MFHAS1: variants seen among roughly 807,000 people sequenced by gnomAD.
The protein encoded by MFHAS1 is multifunctional ROCO family signaling regulator 1, also known as malignant fibrous histiocytoma-amplified sequence 1.
Under a neutral mutation model 70.4 loss-of-function variants are expected in MFHAS1, and 50 were observed. The ratio of observed to expected loss-of-function variants is 0.71; its 90% CI spans 0.57 to 0.90. The LOEUF is 0.90. Among genes scored for constraint, MFHAS1 ranks in the 40% least tolerant of loss-of-function variants. The pLI, the probability that MFHAS1 is intolerant of heterozygous loss-of-function variation, is 0.00. For missense variants in MFHAS1, 1,795 were observed against 1,347.6 expected, an observed-to-expected ratio of 1.33 and a Z score of -5.20; for synonymous variants, 952 against 620.0, an observed-to-expected ratio of 1.54 and a Z score of -7.96.
At chr8:8,868,408 G>A (rs758777329) in intron 1 of MFHAS1, among the ~76,000 whole-genome samples, 20 of 149,794 alleles carry the variant, frequency 1.3e-4, no homozygotes, top group East Asian at 3.9e-4. Context: ...ATTAATCACC[G>A]AGAAGGATAG....
intron 1 of MFHAS1, among the ~76,000 whole-genome samples, chr8:8,889,857 G>A (rs1049747590): frequency 4.6e-5 from 7 of 152,212 alleles, no homozygotes; most frequent in Admixed American, 1.3e-4. Flanking sequence ...TCTGTTAGGA[G>A]AGGATGACAC....
intron 1 of MFHAS1, among the ~76,000 whole-genome samples, chr8:8,856,455 T>C (rs1483262528): frequency 6.6e-6 from 1 of 152,164 alleles, no homozygotes; most frequent in Middle Eastern, 3.2e-3. Flanking sequence ...TGTACATATT[T>C]CCTGTTGGAA....
chr8:8,798,880 C>G (rs1032282720), intron 1 of MFHAS1, among the ~76,000 whole-genome samples: 2 of 152,030 alleles, frequency 1.3e-5, no homozygotes, highest in African/African-American at 4.8e-5. Flanking sequence ...AACTCCACAT[C>G]TACTAAAAAT....
chr8:8,820,647 C>A (rs114566325), intron 1 of MFHAS1, among the ~76,000 whole-genome samples: 1 of 152,156 alleles, frequency 6.6e-6, no homozygotes, highest in Non-Finnish European at 1.5e-5. Context: ...TGAGGCTACA[C>A]GTCCATGTTC....
intron 1 of MFHAS1, among the ~76,000 whole-genome samples, chr8:8,869,140 T>G (rs1808973173): frequency 6.6e-6 from 1 of 152,176 alleles, no homozygotes; most frequent in African/African-American, 2.4e-5. Flanking sequence ...TGTGCCATCA[T>G]GCAGCTGTTA....
chr8:8,832,793 T>C (rs1807454356), intron 1 of MFHAS1, among the ~76,000 whole-genome samples: 1 of 152,182 alleles, frequency 6.6e-6, no homozygotes, highest in Non-Finnish European at 1.5e-5. Context: ...TACTACATGC[T>C]AAGTTTTCAC....
At chr8:8,863,469 G>C (rs1249159965) in intron 1 of MFHAS1, among the ~76,000 whole-genome samples, 2 of 152,098 alleles carry the variant, frequency 1.3e-5, no homozygotes, top group Admixed American at 1.3e-4. Context: ...AAGAATTCCT[G>C]CCCAGTTGAC....
intron 1 of MFHAS1, among the ~76,000 whole-genome samples, chr8:8,833,050 G>C (rs940837121): frequency 2.6e-5 from 4 of 152,248 alleles, no homozygotes; most frequent in Non-Finnish European, 4.4e-5. Flanking sequence ...CAACGGGGGA[G>C]CAGGTGTCTT....
chr8:8,823,660 T>C (rs1206674813), intron 1 of MFHAS1, among the ~76,000 whole-genome samples: 1 of 151,058 alleles, frequency 6.6e-6, no homozygotes, highest in African/African-American at 2.4e-5. Flanking sequence ...TCCTTGGTTC[T>C]CCCAGGCCAC....
chr8:8,892,104 C>T lies in MFHAS1; in HGVS notation c.955G>A (p.Gly319Ser). ...TCCAGCCACAAGGTGAGAAGCCGGC[C>T]CAGGCCCGAGATAAGGGATGGCACC... The part of the protein sequence containing the change: ...TSVPSLISGL[G>S]RLLTLWLDNN... Residue 319 changes from glycine to serine, a missense_variant, in exon 1 of 3, where the codon GGC becomes AGC. By Grantham distance (56) the Gly-to-Ser change is moderately conservative (BLOSUM62 0). Transcript: ENST00000276282. This position sits in a 1 kb window ranked among gnomAD's most constrained non-coding sequence, Gnocchi z 4.7. The T allele has an allele frequency of 6.2e-7, 1 of 1,613,252 alleles. No individual in the cohort carries two copies. The highest frequency in any genetic ancestry group is 8.5e-7 in the Non-Finnish European group (1 of 1,180,028).
chr8:8,841,711 G>T (rs1807832928), intron 1 of MFHAS1, among the ~76,000 whole-genome samples: 1 of 152,088 alleles, frequency 6.6e-6, no homozygotes, highest in Non-Finnish European at 1.5e-5. Flanking sequence ...GCCAGCCCCT[G>T]GTTATACTCT....
chr8:8,838,962 G>T (rs1807705588), intron 1 of MFHAS1, among the ~76,000 whole-genome samples: 1 of 152,076 alleles, frequency 6.6e-6, no homozygotes, highest in Non-Finnish European at 1.5e-5. Flanking sequence ...TATATGCAGG[G>T]TCTCTTTGCT....
At chr8:8,872,504 G>C (rs1191589507) in intron 1 of MFHAS1, among the ~76,000 whole-genome samples, 1 of 152,170 alleles carries the variant, frequency 6.6e-6, no homozygotes, top group East Asian at 1.9e-4. Flanking sequence ...TTTTAGCTAA[G>C]CAAGAAAATG....
At chr8:8,823,386 G>A (rs1041774361) in intron 1 of MFHAS1, among the ~76,000 whole-genome samples, 6 of 152,084 alleles carry the variant, frequency 3.9e-5, no homozygotes, top group South Asian at 4.1e-4. Context: ...AGCTGGACAC[G>A]GGGCCCCGCG....
chr8:8,873,185 C>G (rs1348964461), intron 1 of MFHAS1, among the ~76,000 whole-genome samples: 1 of 152,134 alleles, frequency 6.6e-6, no homozygotes, highest in Non-Finnish European at 1.5e-5. Flanking sequence ...AGCAATAGCC[C>G]TCCGGAATCA....
chr8:8,863,148 C>G (rs1254693859), intron 1 of MFHAS1, among the ~76,000 whole-genome samples: 2 of 152,166 alleles, frequency 1.3e-5, no homozygotes, highest in East Asian at 3.8e-4. Flanking sequence ...ATCAATTGGG[C>G]ATGTATGTGT....
chr8:8,880,475 G>C (rs1034999985), intron 1 of MFHAS1, among the ~76,000 whole-genome samples: 2 of 152,182 alleles, frequency 1.3e-5, no homozygotes, highest in Non-Finnish European at 2.9e-5. Flanking sequence ...ATCAGGGCTT[G>C]ACTCATTAAG....
chr8:8,830,740 T>G (rs1481675539), intron 1 of MFHAS1, among the ~76,000 whole-genome samples: 1 of 152,136 alleles, frequency 6.6e-6, no homozygotes, highest in Non-Finnish European at 1.5e-5. Flanking sequence ...GTAGCTGGGA[T>G]TACAGCACCA....
In MFHAS1 at chr8:8,890,539, A is replaced by C; in HGVS notation, c.2520T>G (p.Pro840=). ...TGTACCAAGCTGTGGACCCATTCAA[A>C]GGCTTGCCCTTGGGTTTATTGAGGC... ...CYCLNKPKGK[P]LNGSTAWYKF... Residue 840 remains proline (P), a synonymous_variant, in exon 1 of 3, where the codon CCT becomes CCG. Transcript: ENST00000276282. 6.2e-7 allele frequency: 1 copy of C among 1,613,524 alleles called. No individual in the cohort carries two copies. The highest frequency in any genetic ancestry group is 2.2e-5 in the East Asian group (1 of 44,886).
Sources: allele counts gnomAD v4.1 joint callset (sites outside exome capture counted in the v4.1 genomes callset), GRCh38; gene constraint gnomAD v4.1.1; non-coding constraint Gnocchi (gnomAD v3.1); transcripts MANE v1.5; gene names NCBI Gene and HGNC (gene_info 2026-07-23, HGNC 2026-07-21).